Variants in NEGR1 observed in about 807,000 individuals in gnomAD.
NEGR1 encodes IgLON family member 4.
NEGR1 carries 10 observed loss-of-function variants against 40.9 expected under a neutral mutation model. The ratio of observed to expected loss-of-function variants is 0.24; its 90% CI spans 0.15 to 0.42. The LOEUF (loss-of-function observed/expected upper bound fraction) is 0.42. Ranked by LOEUF, NEGR1 falls within the 10% of genes least tolerant of loss-of-function variation. The pLI is 1.00. For missense variants in NEGR1, 352 were observed against 438.9 expected (o/e 0.80, Z 1.77); for synonymous variants, 185 against 166.8 (o/e 1.11, Z -0.84).
intron 3 of NEGR1, among the ~76,000 whole-genome samples, chr1:71,755,464 G>A (rs1320734975): frequency 1.3e-5 from 2 of 152,112 alleles, no homozygotes; most frequent in African/African-American, 4.8e-5. Flanking sequence ...TTTGCATTTA[G>A]GGGAAAAATA....
rs144863862 is a variant in NEGR1, at chr1:72,191,211, C to G, written c.176+91108G>C. Among the ~76,000 whole-genome samples the G allele has an allele frequency of 1.2e-3, 178 of 151,820 alleles. 1 individual carries two copies. Among genetic ancestry groups the G allele is most frequent in the Non-Finnish European group, 2.1e-3 (142 of 67,810 alleles). ...ATAACTAGAGATCACATTGCTCTTC[C>G]AACTGATTCATAGAGTATTATTAAA... On this transcript the variant is annotated intron_variant, in intron 1 of 6. Coordinates refer to ENST00000357731, the MANE Select transcript of NEGR1 (RefSeq NM_173808.3).
At chr1:72,274,689 C>T in intron 1 of NEGR1, 1 of 971,894 alleles carries the variant, frequency 1.0e-6, no homozygotes, top group South Asian at 1.3e-5. Context: ...TGAAAAAACC[C>T]ATTGAAGAAA....
chr1:71,779,549 T>C (rs1218199580), intron 2 of NEGR1, among the ~76,000 whole-genome samples: 1 of 142,282 alleles, frequency 7.0e-6, no homozygotes, highest in Non-Finnish European at 1.5e-5. Flanking sequence ...GTGCAGACTA[T>C]TTATAATAGA....
rs116296724 is a variant in NEGR1 at position 72,178,220 on chromosome 1, C to T, written c.176+104099G>A. Among the ~76,000 whole-genome samples, 1,318 of 151,914 alleles carry T rather than the reference C, an allele frequency of 8.7e-3. 20 individuals carry two copies. Among genetic ancestry groups the T allele is most frequent in the African/African-American group, 0.03 (1,255 of 41,458 alleles). ...ATTGAAATAATGACCATTGCATTCC[C>T]TATTATTTTATTGACAGTTAATTAT... On this transcript the variant is annotated intron_variant, in intron 1 of 6. Transcript: ENST00000357731.
At chr1:71,407,785 G>T (rs1646287831) in intron 6 of NEGR1, 2 of 491,034 alleles carry the variant, frequency 4.1e-6, no homozygotes, top group Non-Finnish European at 7.4e-6. Flanking sequence ...GAAAATAATA[G>T]AAATAATAGA....
At chr1:71,683,908 T>A (rs1413376481) in intron 4 of NEGR1, among the ~76,000 whole-genome samples, 1 of 152,156 alleles carries the variant, frequency 6.6e-6, no homozygotes, top group Admixed American at 6.5e-5. Flanking sequence ...TTGAGTTCTT[T>A]GTGGTTTGGT....
chr1:72,266,091 T>C (rs1655628945), intron 1 of NEGR1, among the ~76,000 whole-genome samples: 1 of 150,916 alleles, frequency 6.6e-6, no homozygotes, highest in African/African-American at 2.4e-5. Flanking sequence ...ATCATAATGT[T>C]ATTGATATTA....
chr1:72,119,148 A>C (rs1436416337), intron 1 of NEGR1, among the ~76,000 whole-genome samples: 1 of 151,916 alleles, frequency 6.6e-6, no homozygotes. Flanking sequence ...CATTTCTTGC[A>C]TTACTACTAT....
chr1:71,435,023 A>G (rs193073681), intron 6 of NEGR1, among the ~76,000 whole-genome samples: 1,939 of 151,998 alleles, frequency 0.013, 25 homozygotes, highest in African/African-American at 0.029. Flanking sequence ...CCTGGGAGGC[A>G]GAGCTTGCAG....
chr1:72,053,120 C>A (rs935742643), intron 1 of NEGR1, among the ~76,000 whole-genome samples: 4 of 151,320 alleles, frequency 2.6e-5, no homozygotes, highest in African/African-American at 9.7e-5. Flanking sequence ...GTAGTCAGGA[C>A]ACATATTAAT....
chr1:72,216,448 T>C (rs1282146230), intron 1 of NEGR1, among the ~76,000 whole-genome samples: 1 of 147,714 alleles, frequency 6.8e-6, no homozygotes, highest in Non-Finnish European at 1.5e-5. Flanking sequence ...TATATATATG[T>C]AGCTAGTGGA....
intron 4 of NEGR1, among the ~76,000 whole-genome samples, chr1:71,682,041 G>A (rs1047160270): frequency 2.6e-5 from 4 of 151,794 alleles, no homozygotes; most frequent in African/African-American, 9.7e-5. Flanking sequence ...TGGCCAGGCT[G>A]GTCTCAGACT....
At chr1:72,124,249 A>G (rs1464097299) in intron 1 of NEGR1, among the ~76,000 whole-genome samples, 1 of 151,954 alleles carries the variant, frequency 6.6e-6, no homozygotes, top group Non-Finnish European at 1.5e-5. Flanking sequence ...AAGCAAACAT[A>G]TATTTAAGTA....
intron 6 of NEGR1, among the ~76,000 whole-genome samples, chr1:71,485,823 T>C (rs1646884367): frequency 6.6e-6 from 1 of 151,746 alleles, no homozygotes; most frequent in Non-Finnish European, 1.5e-5. Flanking sequence ...CCTTAGTTTA[T>C]TTATTCATTC....
intron 4 of NEGR1, among the ~76,000 whole-genome samples, chr1:71,665,416 T>C (rs1246805804): frequency 6.6e-6 from 1 of 152,180 alleles, no homozygotes; most frequent in East Asian, 1.9e-4. Flanking sequence ...GAGATTTCTA[T>C]TAAGCCTGTG....
chr1:72,188,125 T>A (rs1432372343), intron 1 of NEGR1, among the ~76,000 whole-genome samples: 2 of 151,438 alleles, frequency 1.3e-5, no homozygotes, highest in African/African-American at 4.8e-5. Flanking sequence ...GAGATGAATA[T>A]AAAGGGACTC....
intron 1 of NEGR1, among the ~76,000 whole-genome samples, chr1:72,071,099 TCAG>T (rs1434897251): frequency 6.6e-6 from 1 of 151,794 alleles, no homozygotes; most frequent in East Asian, 1.9e-4. Flanking sequence ...AAAGTTCTCA[TCAG>T]CAACATAAGA....
chr1:72,167,479 T>G (rs143205496), intron 1 of NEGR1, among the ~76,000 whole-genome samples: 1,750 of 152,224 alleles, frequency 0.011, 37 homozygotes, highest in African/African-American at 0.04. Flanking sequence ...AATACCATTG[T>G]TTTTATTAGT....
intron 3 of NEGR1, among the ~76,000 whole-genome samples, chr1:71,733,391 C>CAT (rs1229969439): frequency 6.6e-6 from 1 of 152,112 alleles, no homozygotes; most frequent in African/African-American, 2.4e-5. Context: ...ACTTGAATTA[C>CAT]ATATATTAGC....
Sources: allele counts gnomAD v4.1 joint callset (sites outside exome capture counted in the v4.1 genomes callset), GRCh38; gene constraint gnomAD v4.1.1; transcripts MANE v1.5; gene names NCBI Gene and HGNC (gene_info 2026-07-23, HGNC 2026-07-21).